Variants in KIAA1671 observed in about 807,000 individuals in gnomAD.
The protein encoded by KIAA1671 is uncharacterized protein KIAA1671.
In KIAA1671, 52 loss-of-function variants were observed where a neutral mutation model predicts 131.2. The observed-to-expected ratio is 0.40, with a 90% CI of 0.32 to 0.50. The LOEUF (loss-of-function observed/expected upper bound fraction) is 0.50, where lower values mean the gene tolerates loss of function less well. Among genes scored for constraint, KIAA1671 ranks in the 20% least tolerant of loss-of-function variants. The pLI is 0.73. For missense variants in KIAA1671, 2,360 were observed against 2,364.2 expected (o/e 1.00, Z 0.04); for synonymous variants, 1,003 against 961.6 (o/e 1.04, Z -0.80).
At chr22:25,104,730 C>T (rs1333265099) in intron 6 of KIAA1671, among the ~76,000 whole-genome samples, 2 of 152,130 alleles carry the variant, frequency 1.3e-5, no homozygotes, top group Non-Finnish European at 2.9e-5. Flanking sequence ...TCATCAGAAC[C>T]CTTGGCAATT....
At chr22:25,052,660 A>ACT (rs1927601318) in intron 6 of KIAA1671, 1 of 152,118 alleles carries the variant, frequency 6.6e-6, no homozygotes, top group African/African-American at 2.4e-5. Context: ...TGATGCTTAC[A>ACT]AAGCTCTTAG....
intron 6 of KIAA1671, among the ~76,000 whole-genome samples, chr22:25,169,792 G>A (rs1237373978): frequency 1.3e-5 from 2 of 152,242 alleles, no homozygotes; most frequent in Non-Finnish European, 2.9e-5. Flanking sequence ...GCCGAGGGCC[G>A]AGACCAGCAA....
intron 6 of KIAA1671, among the ~76,000 whole-genome samples, chr22:25,078,375 T>C (rs1929224167): frequency 6.6e-6 from 1 of 152,160 alleles, no homozygotes; most frequent in South Asian, 2.1e-4. Flanking sequence ...AGAATTTTTT[T>C]TTGAATAGCC....
intron 1 of KIAA1671, among the ~76,000 whole-genome samples, chr22:24,964,941 T>C (rs1160733661): frequency 1.3e-5 from 2 of 152,164 alleles, no homozygotes; most frequent in Non-Finnish European, 2.9e-5. Flanking sequence ...TGTTAGATCC[T>C]GTTCCCACAT....
chr22:25,070,425 C>T (rs1928760738), intron 6 of KIAA1671: 6 of 481,200 alleles, frequency 1.2e-5, no homozygotes, highest in South Asian at 8.9e-5. Context: ...GGGTGAGTGG[C>T]GGGGGGCAGT....
intron 1 of KIAA1671, among the ~76,000 whole-genome samples, chr22:25,019,453 C>T (rs1311369351): frequency 6.6e-6 from 1 of 152,018 alleles, no homozygotes; most frequent in Admixed American, 6.5e-5. Context: ...GTCTTAGCAC[C>T]TCTACCTTTC....
chr22:24,978,236 T>C (rs1202900026), intron 1 of KIAA1671, among the ~76,000 whole-genome samples: 5 of 152,180 alleles, frequency 3.3e-5, no homozygotes, highest in Admixed American at 2.6e-4. Flanking sequence ...TTCCCCATGC[T>C]GTTCTTTTGG....
chr22:25,070,047 C>T (rs1568939490), intron 6 of KIAA1671: 1 of 286,382 alleles, frequency 3.5e-6, no homozygotes, highest in Non-Finnish European at 6.4e-6. Context: ...TAAAACCCTC[C>T]GTGCCTACGG....
At chr22:25,179,597 G>C in intron 9 of KIAA1671, 1 of 1,265,910 alleles carries the variant, frequency 7.9e-7, no homozygotes, top group Non-Finnish European at 1.1e-6. Context: ...CAATGCGTTG[G>C]CCTCCAGGGT....
chr22:25,038,801 A>G lies in KIAA1671; in HGVS notation c.1671A>G (p.Arg557=). The part of the protein sequence containing the change: ...GHSLDGACIP[R]SPWKPGTLRD... ...GTTTGGATGGAGCATGCATCCCGAGAAGCCCCTGGAAGCCTGGGACACTCC... is the reference window on the plus strand; with the variant it reads ...GTTTGGATGGAGCATGCATCCCGAGGAGCCCCTGGAAGCCTGGGACACTCC... The change falls in exon 5 of 13, where the codon AGA becomes AGG. Residue 557 remains arginine (R), a synonymous_variant. Transcript: ENST00000358431. 6.5e-7 allele frequency: 1 copy of G among 1,550,310 alleles called. No homozygotes were observed. Among genetic ancestry groups the G allele is most frequent in the Non-Finnish European group, 8.7e-7 (1 of 1,145,652 alleles).
intron 1 of KIAA1671, among the ~76,000 whole-genome samples, chr22:25,001,734 G>T (rs1197822701): frequency 6.6e-6 from 1 of 152,118 alleles, no homozygotes; most frequent in African/African-American, 2.4e-5. Flanking sequence ...ATCTTGCCAG[G>T]CTTGTCCAGC....
At chr22:25,030,644 T>C (rs971409702) in intron 3 of KIAA1671, among the ~76,000 whole-genome samples, 1 of 152,380 alleles carries the variant, frequency 6.6e-6, no homozygotes, top group Non-Finnish European at 1.5e-5. Flanking sequence ...TAGTTAATAA[T>C]GATATTCTAA....
chr22:25,145,947 A>G (rs1228317685), intron 6 of KIAA1671, among the ~76,000 whole-genome samples: 7 of 30,892 alleles, frequency 2.3e-4, no homozygotes, highest in Non-Finnish European at 3.8e-4. Context: ...CTCTAAAAGA[A>G]AAAAAAAAAA....
At position 25,184,962 on chromosome 22, in the gene KIAA1671, C is replaced by G. The variant is rs770635130; in HGVS notation, c.5200-15C>G. On this transcript the variant is annotated splice_polypyrimidine_tract_variant and intron_variant, in intron 10 of 12. Transcript: ENST00000358431. Reference sequence around the variant, plus strand: ...CAAAGGGCAGCTTATAGACTCAGCTCTCTTTTCTCCCCAGGCTCAGCTGCA... The same window carrying G: ...CAAAGGGCAGCTTATAGACTCAGCTGTCTTTTCTCCCCAGGCTCAGCTGCA... The G allele has an allele frequency of 7.4e-5, 115 of 1,550,978 alleles. 1 individual carries two copies. The highest frequency in any genetic ancestry group is 3.0e-5 in the Non-Finnish European group (34 of 1,147,048).
chr22:25,047,965 C>A (rs1927337211), intron 5 of KIAA1671, among the ~76,000 whole-genome samples: 1 of 152,140 alleles, frequency 6.6e-6, no homozygotes, highest in Admixed American at 6.5e-5. Flanking sequence ...ACATTTAGGT[C>A]TTTGATCTAT....
At chr22:25,109,270 C>T (rs919709123) in intron 6 of KIAA1671, among the ~76,000 whole-genome samples, 9 of 152,002 alleles carry the variant, frequency 5.9e-5, no homozygotes, top group Non-Finnish European at 8.8e-5. Context: ...CCACTGTGCC[C>T]GGCTAATTTT....
chr22:25,064,788 A>G (rs1928372393), intron 6 of KIAA1671: 1 of 152,282 alleles, frequency 6.6e-6, no homozygotes, highest in African/African-American at 2.4e-5. Context: ...ATTGTGAGCA[A>G]GACTGGTGCT....
At chr22:25,141,877 A>G (rs1932812436) in intron 6 of KIAA1671, among the ~76,000 whole-genome samples, 1 of 152,142 alleles carries the variant, frequency 6.6e-6, no homozygotes, top group African/African-American at 2.4e-5. Flanking sequence ...TGTGATTTGG[A>G]ACCCTGGCTC....
chr22:25,093,760 C>G (rs796950913), intron 6 of KIAA1671, among the ~76,000 whole-genome samples: 11 of 112,564 alleles, frequency 9.8e-5, no homozygotes, highest in South Asian at 3.1e-4. Context: ...CTCTCTCTCT[C>G]TCTCTCTGTC....
Sources: allele counts gnomAD v4.1 joint callset (sites outside exome capture counted in the v4.1 genomes callset), GRCh38; gene constraint gnomAD v4.1.1; transcripts MANE v1.5; gene names NCBI Gene and HGNC (gene_info 2026-07-23, HGNC 2026-07-21).